Variants in KCNN3 observed in about 807,000 individuals in gnomAD.
The protein encoded by KCNN3 is potassium calcium-activated channel subfamily N member 3, also known as small conductance calcium-activated potassium channel protein 3.
In KCNN3, 16 loss-of-function variants were observed where a neutral mutation model predicts 62.9. That is an observed-to-expected ratio of 0.25 (90% CI 0.17 to 0.39). The LOEUF (loss-of-function observed/expected upper bound fraction) is 0.39. Among genes scored for constraint, KCNN3 ranks in the 10% least tolerant of loss-of-function variants. KCNN3 has a pLI of 1.00. For missense variants in KCNN3, 599 were observed against 949.4 expected, an observed-to-expected ratio of 0.63 and a Z score of 4.85; for synonymous variants, 370 against 389.2, an observed-to-expected ratio of 0.95 and a Z score of 0.58.
At position 154,700,873 on chromosome 1, in the gene KCNN3, C is replaced by A. The variant is rs1490005482; in HGVS notation, c.*7103G>T. 4 of 151,892 alleles carry A rather than the reference C, an allele frequency of 2.6e-5. No individual in the cohort carries two copies. The highest frequency in any genetic ancestry group is 2.6e-4 in the Admixed American group (4 of 15,224). 9.4% of individuals were successfully genotyped at this position (151,892 alleles called of 1,614,324 possible). A position where few individuals can be genotyped will look rare whatever the true frequency, so the allele number is the denominator to read the frequency against. On this transcript the variant is annotated 3_prime_UTR_variant, in exon 8 of 8. Transcript: ENST00000271915. ...AGCAAAAAAAAGTGAAGAAATAAAT[C>A]AATTACCACCAATACATTCATCAGT...
intron 1 of KCNN3, among the ~76,000 whole-genome samples, chr1:154,848,538 G>A (rs190203872): frequency 6.6e-6 from 1 of 152,120 alleles, no homozygotes; most frequent in Non-Finnish European, 1.5e-5. Flanking sequence ...CATCAGCCTA[G>A]TTCGTGAAGC....
At chr1:154,729,994 G>T (rs897364403) in intron 4 of KCNN3, among the ~76,000 whole-genome samples, 1 of 152,230 alleles carries the variant, frequency 6.6e-6, no homozygotes, top group African/African-American at 2.4e-5. Flanking sequence ...AAAGAGGCTA[G>T]ATTGAAACAA....
intron 1 of KCNN3, among the ~76,000 whole-genome samples, chr1:154,828,162 C>T (rs1651215792): frequency 6.6e-6 from 1 of 152,124 alleles, no homozygotes; most frequent in Non-Finnish European, 1.5e-5. Flanking sequence ...GCAGGAGTCT[C>T]AGCCTCCTCC....
rs538883809 is a variant in KCNN3 at position 154,713,557 on chromosome 1, C to T, written c.1830-24G>A. On this transcript the variant is annotated intron_variant, in intron 6 of 7. Transcript: ENST00000271915. ...ACCTGTGGGGAAGAATGGTAACAGGCAAGCCCTTCAAGTCCATGCAAAGGT... is the reference window on the plus strand; with the variant it reads ...ACCTGTGGGGAAGAATGGTAACAGGTAAGCCCTTCAAGTCCATGCAAAGGT... 1.9e-5 allele frequency: 30 copies of T among 1,593,944 alleles called. 1 individual carries two copies. In the South Asian group the frequency reaches 2.9e-4, roughly 15 times the overall value.
At chr1:154,727,710 C>A (rs1202546143) in intron 4 of KCNN3, among the ~76,000 whole-genome samples, 1 of 152,176 alleles carries the variant, frequency 6.6e-6, no homozygotes, top group Non-Finnish European at 1.5e-5. Flanking sequence ...AGACTCTGTG[C>A]CCAATTTTCA....
Position 154,706,837 on chromosome 1 carries a change from A to T in KCNN3, c.*1139T>A, listed in dbSNP as rs758240369. On this transcript the variant is annotated 3_prime_UTR_variant, in exon 8 of 8. Coordinates refer to ENST00000271915, the MANE Select transcript of KCNN3 (RefSeq NM_002249.6). ...TGGAAACCTGTTGCTGGATAAATAC[A>T]GCTCAGCAAATCCCCAACCATATTT... The T allele has an allele frequency of 6.6e-6, 1 of 152,242 alleles. No individual in the cohort carries two copies. Among genetic ancestry groups the T allele is most frequent in the Non-Finnish European group, 1.5e-5 (1 of 68,044 alleles). 9.4% of individuals were successfully genotyped at this position (152,242 alleles called of 1,614,324 possible). A position where few individuals can be genotyped will look rare whatever the true frequency, so the allele number is the denominator to read the frequency against.
chr1:154,805,810 T>C (rs1043050861), intron 2 of KCNN3, among the ~76,000 whole-genome samples: 1 of 152,206 alleles, frequency 6.6e-6, no homozygotes, highest in Non-Finnish European at 1.5e-5. Context: ...GGCAGAATAA[T>C]GGCCCCCCAA....
At chr1:154,758,115 A>G (rs1199372447) in intron 3 of KCNN3, among the ~76,000 whole-genome samples, 1 of 152,194 alleles carries the variant, frequency 6.6e-6, no homozygotes, top group Non-Finnish European at 1.5e-5. Flanking sequence ...GTTTTAACCA[A>G]TATTAACCAA....
chr1:154,869,301 A>G lies in KCNN3; in HGVS notation c.664T>C (p.Ser222Pro). Reference sequence around the variant, plus strand: ...TGGGCATGGTTGTCCTCCCGGGAGGAGATGACGATCTCCGGGGGGTTGCTA... The same window carrying G: ...TGGGCATGGTTGTCCTCCCGGGAGGGGATGACGATCTCCGGGGGGTTGCTA... ...SPSNPPEIVI[S>P]SREDNHAHQT... The change falls in exon 1 of 8, where the codon TCC (serine) becomes CCC (proline). Residue 222 changes from serine (S) to proline (P), a missense_variant. Physicochemically the swap from Ser to Pro is moderately conservative, Grantham distance 74 (BLOSUM62 -1). This residue lies in a region of KCNN3 where 80 missense variants were observed against 85.4 expected (regional missense o/e 0.94). Coordinates refer to ENST00000271915, the MANE Select transcript of KCNN3 (RefSeq NM_002249.6). This position sits in a 1 kb window ranked among gnomAD's most constrained non-coding sequence, Gnocchi z 6.1. 6.2e-7 allele frequency: 1 copy of G among 1,613,160 alleles called. No individual in the cohort carries two copies. The highest frequency in any genetic ancestry group is 1.1e-5 in the South Asian group (1 of 91,046).
chr1:154,769,176 C>A (rs1648435833), intron 3 of KCNN3, among the ~76,000 whole-genome samples: 1 of 152,174 alleles, frequency 6.6e-6, no homozygotes, highest in Admixed American at 6.5e-5. Flanking sequence ...GACCCGGGCT[C>A]TCCTTCCCTC....
At chr1:154,733,512 T>A (rs1700644446) in intron 3 of KCNN3, among the ~76,000 whole-genome samples, 3 of 152,178 alleles carry the variant, frequency 2.0e-5, no homozygotes, top group African/African-American at 7.2e-5. Flanking sequence ...TATGTGGATG[T>A]GATTAATCTG....
intron 3 of KCNN3, among the ~76,000 whole-genome samples, chr1:154,739,090 A>C (rs1700774576): frequency 6.6e-6 from 1 of 152,262 alleles, no homozygotes; most frequent in Non-Finnish European, 1.5e-5. Flanking sequence ...TATTACTTAC[A>C]GACATGGAGG....
intron 3 of KCNN3, among the ~76,000 whole-genome samples, chr1:154,765,584 T>C (rs1414654157): frequency 1.3e-5 from 2 of 152,040 alleles, no homozygotes; most frequent in Non-Finnish European, 2.9e-5. Context: ...TCATATATAT[T>C]CTGGCACCCT....
chr1:154,807,471 G>A (rs1156970130), intron 2 of KCNN3, among the ~76,000 whole-genome samples: 1 of 152,184 alleles, frequency 6.6e-6, no homozygotes, highest in Non-Finnish European at 1.5e-5. Context: ...GCTGCTGCGG[G>A]TGACAGCCAG....
intron 3 of KCNN3, among the ~76,000 whole-genome samples, chr1:154,758,764 G>A (rs1393951479): frequency 3.3e-5 from 5 of 152,030 alleles, no homozygotes; most frequent in African/African-American, 1.2e-4. Flanking sequence ...GAACAGAGGA[G>A]TCTGTATTAA....
intron 3 of KCNN3, among the ~76,000 whole-genome samples, chr1:154,763,776 G>A (rs766630952): frequency 6.6e-6 from 1 of 152,200 alleles, no homozygotes; most frequent in Non-Finnish European, 1.5e-5. Flanking sequence ...TTTGAAATGT[G>A]TGACCAAGAA....
intron 2 of KCNN3, among the ~76,000 whole-genome samples, chr1:154,810,901 C>A (rs889393156): frequency 6.6e-6 from 1 of 152,240 alleles, no homozygotes; most frequent in Non-Finnish European, 1.5e-5. Flanking sequence ...TGGAGATGGT[C>A]AACTCAAACA....
At chr1:154,793,223 T>G (rs562170719) in intron 2 of KCNN3, among the ~76,000 whole-genome samples, 2 of 152,314 alleles carry the variant, frequency 1.3e-5, no homozygotes, top group Non-Finnish European at 1.5e-5. Context: ...AATGAAGTAG[T>G]GGGTTGAAGA....
chr1:154,713,535 T>C lies in KCNN3; in HGVS notation c.1830-2A>G. ...TGTTCCATCTTGACGCTCCTCAACC[T>C]GTGGGGAAGAATGGTAACAGGCAAG... On this transcript the variant is annotated splice_acceptor_variant, in intron 6 of 7. Coordinates refer to ENST00000271915, the MANE Select transcript of KCNN3 (RefSeq NM_002249.6). LOFTEE classifies it high-confidence loss of function. 6.2e-7 allele frequency: 1 copy of C among 1,613,306 alleles called. No individual in the cohort carries two copies. The highest frequency in any genetic ancestry group is 8.5e-7 in the Non-Finnish European group (1 of 1,179,400).
Sources: gnomAD v4.1 joint callset for allele counts (sites outside exome capture counted in the v4.1 genomes callset) on GRCh38, gnomAD v4.1.1 for gene constraint, gnomAD v4.1.1 regional missense constraint, Gnocchi (gnomAD v3.1) non-coding constraint, MANE v1.5 for transcripts, NCBI Gene and HGNC (gene_info 2026-07-23, HGNC 2026-07-21) for gene names.